Variants in CLN6 observed in about 807,000 individuals in gnomAD.
The protein encoded by CLN6 is ceroid-lipofuscinosis neuronal protein 6.
CLN6 carries 22 observed loss-of-function variants against 33.3 expected under a neutral mutation model. The ratio of observed to expected loss-of-function variants is 0.66; its 90% CI spans 0.47 to 0.94. The LOEUF (loss-of-function observed/expected upper bound fraction) is 0.94. Ranked by LOEUF, CLN6 falls within the 40% of genes least tolerant of loss-of-function variation. CLN6 has a pLI of 0.00. For missense variants in CLN6, 387 were observed against 417.1 expected (o/e 0.93, Z 0.63); for synonymous variants, 201 against 174.6 (o/e 1.15, Z -1.19).
At position 68,208,310 on chromosome 15, in the gene CLN6, C is replaced by T; in HGVS notation, c.766G>A (p.Asp256Asn). 6.2e-7 allele frequency: 1 copy of T among 1,614,134 alleles called. No individual in the cohort carries two copies. Among genetic ancestry groups the T allele is most frequent in the Middle Eastern group, 1.7e-4 (1 of 6,060 alleles). Reference sequence around the variant, plus strand: ...GAGAAGAGGAAGAGGCCGTTGCTGTCCAGGAAGAGGCGCTTGCGCTTCTGG... The same window carrying T: ...GAGAAGAGGAAGAGGCCGTTGCTGTTCAGGAAGAGGCGCTTGCGCTTCTGG... ...LHQKRKRLFL[D>N]SNGLFLFSSF... is the part of the protein sequence containing the mutation. Residue 256 changes from aspartate to asparagine, a missense_variant, in exon 7 of 7, where the codon GAC (aspartate) becomes AAC (asparagine). Transcript: ENST00000249806. The surrounding 1 kb of genome is among the most constrained non-coding windows in gnomAD (Gnocchi z 5.8).
chr15:68,231,606 T>C (rs925268087), upstream of CLN6, among the ~76,000 whole-genome samples: 2 of 152,272 alleles, frequency 1.3e-5, no homozygotes, highest in African/African-American at 4.8e-5. Context: ...GCCCATGATG[T>C]CATCATCGAT....
chr15:68,226,533 C>A (rs2093252524), intron 1 of CLN6, among the ~76,000 whole-genome samples: 1 of 151,972 alleles, frequency 6.6e-6, no homozygotes, highest in Admixed American at 6.6e-5. Context: ...ATGGCGCGAT[C>A]TTGGCCCACC....
chr15:68,247,513 G>T lies in CLN6; in HGVS notation c.179+9177C>A, dbSNP rs192847828. ...TCAAGGAAAACTACAAAGCACTGAA[G>T]AAATAAATTGAAGAGGACACAGCAA... On this transcript the variant is annotated intron_variant, in intron 1 of 6. Coordinates refer to the CLN6 transcript ENST00000538696. The surrounding 1 kb of genome is among the most constrained non-coding windows in gnomAD (Gnocchi z 4.2). Among the ~76,000 whole-genome samples the T allele has an allele frequency of 1.3e-5, 2 of 152,034 alleles. No homozygotes were observed. Among genetic ancestry groups the T allele is most frequent in the African/African-American group, 2.4e-5 (1 of 41,344 alleles).
At chr15:68,218,265 GA>G in intron 2 of CLN6, 1 of 389,254 alleles carries the variant, frequency 2.6e-6, no homozygotes, top group Non-Finnish European at 4.9e-6. Context: ...ACACAGGCCA[GA>G]GGGGGTTACA....
chr15:68,254,360 C>G (rs1408256596), intron 1 of CLN6, among the ~76,000 whole-genome samples: 1 of 152,170 alleles, frequency 6.6e-6, no homozygotes, highest in Non-Finnish European at 1.5e-5. Flanking sequence ...CTTGCAGCTT[C>G]ACTCTCTAGA....
Position 68,218,651 on chromosome 15 carries a change from C to G in CLN6, c.84-1G>C. 1 of 1,612,176 alleles carries G rather than the reference C, an allele frequency of 6.2e-7. No homozygotes were observed. Among genetic ancestry groups the G allele is most frequent in the East Asian group, 2.2e-5 (1 of 44,856 alleles). The stretch of plus-strand genomic sequence containing the variant: ...CTCATCAGCGCTCACAGAGCCATGC[C>G]TGGGAAGGAACCAGACGAGAGAAGT... On this transcript the variant is annotated splice_acceptor_variant, in intron 1 of 6. Transcript: ENST00000249806. LOFTEE classifies it high-confidence loss of function.
rs972290929 is a variant in CLN6, at chr15:68,227,929, C to A, written c.83+1573G>T. 6.6e-6 allele frequency among the ~76,000 whole-genome samples: 1 copy of A among 152,160 alleles called. No individual in the cohort carries two copies. The highest frequency in any genetic ancestry group is 1.5e-5 in the Non-Finnish European group (1 of 68,028). ...CCCCCAACTTGGCAAGGATTCGGAA[C>A]AGAGACATCCCGCAGGCAGAAGAGG... On this transcript the variant is annotated intron_variant, in intron 1 of 6. Transcript: ENST00000249806. The surrounding 1 kb of genome is among the most constrained non-coding windows in gnomAD (Gnocchi z 4.1).
intron 1 of CLN6, chr15:68,254,569 AC>A: frequency 2.0e-6 from 1 of 508,062 alleles, no homozygotes; most frequent in South Asian, 2.4e-5. Flanking sequence ...GGTGAGAACG[AC>A]CCCAGGACAG....
upstream of CLN6, chr15:68,229,876 G>T: frequency 4.1e-6 from 1 of 243,930 alleles, no homozygotes; most frequent in Non-Finnish European, 7.6e-6. Flanking sequence ...TGGCCTGTCC[G>T]GGCTGCGCGC....
intron 1 of CLN6, among the ~76,000 whole-genome samples, chr15:68,235,615 T>A (rs201084216): frequency 0.16 from 8,325 of 50,530 alleles, 409 homozygotes; most frequent in South Asian, 0.31. Context: ...TATATATATA[T>A]ATATATATAT....
At chr15:68,237,163 CAAAAAAAA>C (rs71145147) in intron 1 of CLN6, among the ~76,000 whole-genome samples, 2 of 73,926 alleles carry the variant, frequency 2.7e-5, no homozygotes, top group South Asian at 6.2e-4. Flanking sequence ...GACTCCGTCT[CAAAAAAAA>C]AAAAAAAAAA....
At chr15:68,229,854 G>A (rs2093265199), upstream of CLN6, 2 of 262,210 alleles carry the variant, frequency 7.6e-6, no homozygotes, top group East Asian at 1.8e-4. Flanking sequence ...GTCCTCGCGG[G>A]GCGGGGGCTG....
rs1236773406 is a variant in CLN6 at position 68,211,379 on chromosome 15, G to A, written c.487-61C>T. 6 of 1,598,048 alleles carry A rather than the reference G, an allele frequency of 3.8e-6. No individual in the cohort carries two copies. The highest frequency in any genetic ancestry group is 5.1e-6 in the Non-Finnish European group (6 of 1,166,160). On this transcript the variant is annotated intron_variant, in intron 4 of 6. Coordinates refer to ENST00000249806, the MANE Select transcript of CLN6 (RefSeq NM_017882.3). The surrounding 1 kb of genome is among the most constrained non-coding windows in gnomAD (Gnocchi z 5.9). ...GTCGATGTCAGTCCAGGGAGGTGCT[G>A]GGGCCCCAAGCATCCCCTCTGACCA...
At chr15:68,214,445 G>A (rs2093215118) in intron 2 of CLN6, 57 bp from the exon 3 acceptor site, 1 of 1,333,842 alleles carries the variant, frequency 7.5e-7, no homozygotes, top group East Asian at 2.3e-5. Flanking sequence ...CGGCCCTCGG[G>A]CCTCAAGGGA....
rs2093206849 is a variant in CLN6, at chr15:68,211,887, A to G, written c.298-24T>C. The G allele has an allele frequency of 6.2e-7, 1 of 1,611,018 alleles. No homozygotes were observed. The highest frequency in any genetic ancestry group is 1.3e-5 in the African/African-American group (1 of 74,984). Reference sequence around the variant, plus strand: ...AGCTGGGGTTCAGAGTGGGGTTGGCAGCATGACCCCACCTCTGTCACAGTA... The same window carrying G: ...AGCTGGGGTTCAGAGTGGGGTTGGCGGCATGACCCCACCTCTGTCACAGTA... On this transcript the variant is annotated intron_variant, in intron 3 of 6. Transcript: ENST00000249806. The surrounding 1 kb of genome is among the most constrained non-coding windows in gnomAD (Gnocchi z 5.9).
At chr15:68,238,621 T>G (rs1364000864) in intron 1 of CLN6, among the ~76,000 whole-genome samples, 3 of 152,158 alleles carry the variant, frequency 2.0e-5, no homozygotes, top group Admixed American at 6.5e-5. Context: ...CCAGCAAAAC[T>G]GTCTTTCAAA....
chr15:68,239,260 A>G (rs374669779), intron 1 of CLN6, among the ~76,000 whole-genome samples: 33 of 152,234 alleles, frequency 2.2e-4, no homozygotes, highest in African/African-American at 7.9e-4. Flanking sequence ...AGTAATCACA[A>G]TAAGTATAAA....
chr15:68,233,380 G>A (rs1331692630), upstream of CLN6, among the ~76,000 whole-genome samples: 2 of 152,114 alleles, frequency 1.3e-5, no homozygotes, highest in Non-Finnish European at 2.9e-5. This position sits in a 1 kb window ranked among gnomAD's most constrained non-coding sequence, Gnocchi z 4.3. Context: ...ATGGTTACAA[G>A]GCCGTGGCCA....
At position 68,209,843 on chromosome 15, in the gene CLN6, A is replaced by C; in HGVS notation, c.543-84T>G. On this transcript the variant is annotated intron_variant, in intron 5 of 6. Transcript: ENST00000249806. The surrounding 1 kb of genome is among the most constrained non-coding windows in gnomAD (Gnocchi z 4.9). ...TCTGCAACCACTCCCATGGGGTCTC[A>C]TGGAGTGCCACGTCACAGTTTACAA... 1.4e-3 allele frequency: 2,180 copies of C among 1,549,694 alleles called. No individual in the cohort carries two copies. Among genetic ancestry groups the C allele is most frequent in the Non-Finnish European group, 1.7e-3 (1,962 of 1,129,372 alleles).
Sources: allele counts gnomAD v4.1 joint callset (sites outside exome capture counted in the v4.1 genomes callset), GRCh38; gene constraint gnomAD v4.1.1; non-coding constraint Gnocchi (gnomAD v3.1); transcripts MANE v1.5; gene names NCBI Gene and HGNC (gene_info 2026-07-23, HGNC 2026-07-21).